EYA2: variants seen among roughly 807,000 people sequenced by gnomAD.
EYA2 encodes protein phosphatase EYA2.
EYA2 carries 31 observed loss-of-function variants against 69.2 expected under a neutral mutation model. The observed-to-expected ratio is 0.45, with a 90% CI of 0.34 to 0.60. The LOEUF is 0.60. Ranked by LOEUF, EYA2 falls within the 20% of genes least tolerant of loss-of-function variation. The probability of loss-of-function intolerance (pLI) is 0.02; values close to 1 mark genes in which losing one functional copy is unlikely to be tolerated. For synonymous variants in EYA2, 257 were observed against 279.4 expected (o/e 0.92, Z 0.80); for missense variants, 622 against 701.2 (o/e 0.89, Z 1.28).
intron 1 of EYA2, among the ~76,000 whole-genome samples, chr20:46,922,399 C>T (rs898902917): frequency 1.3e-5 from 2 of 152,194 alleles, no homozygotes; most frequent in African/African-American, 4.8e-5. Context: ...TAGTTTTTTA[C>T]TGTGTATACT....
intron 9 of EYA2, among the ~76,000 whole-genome samples, chr20:47,141,853 T>C (rs773996994): frequency 3.0e-4 from 46 of 152,210 alleles, no homozygotes; most frequent in African/African-American, 8.0e-4. Context: ...TGGTCCAATT[T>C]CTAAGTAACA....
chr20:46,934,876 A>G (rs1985842266), intron 1 of EYA2, among the ~76,000 whole-genome samples: 1 of 152,232 alleles, frequency 6.6e-6, no homozygotes, highest in African/African-American at 2.4e-5. Flanking sequence ...CAGATGATTG[A>G]AATCCTTGAA....
intron 5 of EYA2, among the ~76,000 whole-genome samples, chr20:47,067,218 A>G (rs1398899674): frequency 1.3e-5 from 2 of 152,224 alleles, no homozygotes; most frequent in East Asian, 1.9e-4. Context: ...AAGAGAAATC[A>G]GAAGAGAAAA....
At chr20:47,091,662 T>C (rs1347176612) in intron 8 of EYA2, among the ~76,000 whole-genome samples, 22 of 150,654 alleles carry the variant, frequency 1.5e-4, no homozygotes, top group Admixed American at 1.5e-3. Flanking sequence ...GAAGGATCAA[T>C]TGAGCCCAGG....
At chr20:47,078,330 C>CACA (rs2031596898) in intron 7 of EYA2, among the ~76,000 whole-genome samples, 1 of 29,878 alleles carries the variant, frequency 3.3e-5, no homozygotes, top group Admixed American at 2.2e-4. Flanking sequence ...CGCGCGCGCG[C>CACA]GCACACACAC....
intron 9 of EYA2, 122 bp downstream of exon 9, chr20:47,097,290 G>A (rs2032277738): frequency 2.8e-6 from 2 of 714,508 alleles, no homozygotes; most frequent in Non-Finnish European, 4.6e-6. Flanking sequence ...GCTGCCCTTT[G>A]GGGTCAGCCC....
chr20:47,038,793 C>A (rs113746790), intron 5 of EYA2, among the ~76,000 whole-genome samples: 11 of 152,290 alleles, frequency 7.2e-5, no homozygotes, highest in African/African-American at 2.2e-4. Context: ...TGGCAGCCAC[C>A]GAGGACTTCC....
intron 1 of EYA2, among the ~76,000 whole-genome samples, chr20:46,916,321 G>C (rs190784848): frequency 4.6e-5 from 7 of 152,164 alleles, no homozygotes; most frequent in Non-Finnish European, 1.0e-4. Context: ...TCGAGAAAGG[G>C]TGTATGTGAA....
At chr20:47,061,859 C>T (rs1568753489) in intron 5 of EYA2, among the ~76,000 whole-genome samples, 1 of 152,168 alleles carries the variant, frequency 6.6e-6, no homozygotes, top group Non-Finnish European at 1.5e-5. Context: ...AAGGGTTAGA[C>T]ATTTGGAAAC....
chr20:47,003,947 A>C (rs977271263), intron 3 of EYA2, among the ~76,000 whole-genome samples: 1 of 152,232 alleles, frequency 6.6e-6, no homozygotes, highest in East Asian at 1.9e-4. Context: ...ATTTGATAAG[A>C]GCATCCATGA....
At chr20:46,932,681 G>A (rs571181867) in intron 1 of EYA2, among the ~76,000 whole-genome samples, 37 of 152,260 alleles carry the variant, frequency 2.4e-4, no homozygotes, top group African/African-American at 8.2e-4. Flanking sequence ...TCAGGAGTTC[G>A]AGACCAGCCT....
chr20:47,047,030 A>G (rs922856116), intron 5 of EYA2, among the ~76,000 whole-genome samples: 2 of 152,232 alleles, frequency 1.3e-5, no homozygotes, highest in African/African-American at 2.4e-5. Context: ...GATTAGGGCA[A>G]CTTGCTCATT....
rs146102672 is a variant in EYA2, at chr20:46,924,242, G to A, written c.-11+29255G>A. ...CAGTGCACGGTATGGGTGGCACATGGAGATGGCAGAGGCTGGGAAGGACTA... is the reference window on the plus strand; with the variant it reads ...CAGTGCACGGTATGGGTGGCACATGAAGATGGCAGAGGCTGGGAAGGACTA... On this transcript the variant is annotated intron_variant, in intron 1 of 15. Coordinates refer to ENST00000327619, the MANE Select transcript of EYA2 (RefSeq NM_005244.5). Among the ~76,000 whole-genome samples, 1,176 of 152,298 alleles carry A rather than the reference G, an allele frequency of 7.7e-3. 10 individuals carry two copies. The highest frequency in any genetic ancestry group is 0.02 in the Middle Eastern group (6 of 294).
intron 1 of EYA2, among the ~76,000 whole-genome samples, chr20:46,928,604 T>C (rs1600552007): frequency 1.3e-5 from 2 of 152,346 alleles, no homozygotes; most frequent in Admixed American, 1.3e-4. Flanking sequence ...TGCCAGAGCC[T>C]GGGCCCATCA....
intron 9 of EYA2, among the ~76,000 whole-genome samples, chr20:47,100,061 A>G (rs1405484300): frequency 1.3e-5 from 2 of 152,212 alleles, no homozygotes; most frequent in Non-Finnish European, 1.5e-5. Flanking sequence ...CTTTATCACC[A>G]GTGCATGGAA....
chr20:46,947,292 T>A (rs949104166), intron 1 of EYA2, among the ~76,000 whole-genome samples: 5 of 152,172 alleles, frequency 3.3e-5, no homozygotes, highest in Non-Finnish European at 7.4e-5. Context: ...ATCTAAGTTT[T>A]TTTTTTTTTC....
chr20:47,001,297 C>G, intron 2 of EYA2, 131 bp from the exon 3 acceptor site: 1 of 768,296 alleles, frequency 1.3e-6, no homozygotes, highest in South Asian at 1.5e-5. Context: ...AGATAAGCAT[C>G]TGTGGTGGAG....
intron 15 of EYA2, among the ~76,000 whole-genome samples, chr20:47,184,450 C>T (rs933488661): frequency 3.4e-5 from 5 of 146,480 alleles, no homozygotes; most frequent in East Asian, 2.0e-4. Context: ...TAGGGTCTCA[C>T]TCTGGCACCT....
At chr20:46,985,545 C>A (rs866935481) in intron 1 of EYA2, among the ~76,000 whole-genome samples, 1 of 152,240 alleles carries the variant, frequency 6.6e-6, no homozygotes, top group African/African-American at 2.4e-5. Flanking sequence ...ACACTGCCGT[C>A]TCTTTCCTTA....
Sources: gnomAD v4.1 joint callset for allele counts (sites outside exome capture counted in the v4.1 genomes callset) on GRCh38, gnomAD v4.1.1 for gene constraint, MANE v1.5 for transcripts, NCBI Gene and HGNC (gene_info 2026-07-23, HGNC 2026-07-21) for gene names.